Variants in CADM2 observed in about 807,000 individuals in gnomAD.
The protein encoded by CADM2 is cell adhesion molecule 2.
In CADM2, 12 loss-of-function variants were observed where a neutral mutation model predicts 49.8. The observed-to-expected ratio is 0.24, with a 90% CI of 0.15 to 0.39. CADM2 has a LOEUF of 0.39. CADM2 is among the 10% of genes least tolerant of loss of function. The pLI is 1.00. For missense variants in CADM2, 378 were observed against 492.3 expected, an observed-to-expected ratio of 0.77 and a Z score of 2.20; for synonymous variants, 214 against 175.4, an observed-to-expected ratio of 1.22 and a Z score of -1.74.
At chr3:85,452,301 T>C (rs965200306) in intron 1 of CADM2, among the ~76,000 whole-genome samples, 2 of 152,108 alleles carry the variant, frequency 1.3e-5, no homozygotes, top group African/African-American at 2.4e-5. Flanking sequence ...AAAACTTTCA[T>C]TACCTTGCCA....
At chr3:85,293,994 A>T (rs2043879017) in intron 1 of CADM2, among the ~76,000 whole-genome samples, 1 of 152,064 alleles carries the variant, frequency 6.6e-6, no homozygotes, top group Non-Finnish European at 1.5e-5. Context: ...AGAGGAAGTC[A>T]AATTGTCCCT....
At chr3:85,268,418 A>G (rs920695983) in intron 1 of CADM2, among the ~76,000 whole-genome samples, 7 of 151,474 alleles carry the variant, frequency 4.6e-5, no homozygotes, top group Admixed American at 2.0e-4. Flanking sequence ...CTCTTCCTTG[A>G]AAAATGAAAG....
chr3:85,254,304 T>C (rs1368794440), intron 1 of CADM2, among the ~76,000 whole-genome samples: 1 of 152,042 alleles, frequency 6.6e-6, no homozygotes, highest in African/African-American at 2.4e-5. Flanking sequence ...TAAAGGCACC[T>C]CCATGGGTTC....
At position 85,430,858 on chromosome 3, in the gene CADM2, T is replaced by A. The variant is rs146994834; in HGVS notation, c.62-295664T>A. On this transcript the variant is annotated intron_variant, in intron 1 of 9. Transcript: ENST00000383699. ...GAAGGGATCTTGAAGGTAAACAGTA[T>A]TTTTAAGAATTTGGCCTATTAAAGG... Among the ~76,000 whole-genome samples the A allele has an allele frequency of 2.4e-3, 365 of 152,248 alleles. 1 individual carries two copies. The highest frequency in any genetic ancestry group is 8.3e-3 in the African/African-American group (345 of 41,548).
chr3:85,103,285 A>C (rs2038078750), intron 1 of CADM2, among the ~76,000 whole-genome samples: 1 of 152,170 alleles, frequency 6.6e-6, no homozygotes, highest in African/African-American at 2.4e-5. Context: ...AACTTCAAAA[A>C]GTAATTATAT....
At chr3:85,032,217 T>TG (rs931503786) in intron 1 of CADM2, among the ~76,000 whole-genome samples, 1 of 145,382 alleles carries the variant, frequency 6.9e-6, no homozygotes, top group African/African-American at 2.7e-5. Context: ...AGTTACTGGT[T>TG]TTTTTTTTTT....
At chr3:85,873,772 T>C (rs1051415844) in intron 3 of CADM2, among the ~76,000 whole-genome samples, 1 of 152,208 alleles carries the variant, frequency 6.6e-6, no homozygotes, top group African/African-American at 2.4e-5. Context: ...CACTTTCACA[T>C]TGAATTTTTG....
At chr3:85,243,833 G>C (rs1429436430) in intron 1 of CADM2, among the ~76,000 whole-genome samples, 1 of 152,010 alleles carries the variant, frequency 6.6e-6, no homozygotes, top group Non-Finnish European at 1.5e-5. Context: ...GTTAGTTACT[G>C]TCAGGACAAA....
intron 1 of CADM2, among the ~76,000 whole-genome samples, chr3:85,515,543 CT>C: frequency 6.7e-6 from 1 of 149,152 alleles, no homozygotes; most frequent in African/African-American, 2.5e-5. Flanking sequence ...CTGCCTCAGC[CT>C]CCCGAGTAGC....
intron 1 of CADM2, among the ~76,000 whole-genome samples, chr3:85,240,615 G>T (rs1051005355): frequency 6.6e-6 from 1 of 151,332 alleles, no homozygotes; most frequent in African/African-American, 2.4e-5. Flanking sequence ...ATGGGGCAAG[G>T]TATCACGTTA....
chr3:85,470,447 A>T (rs1286033834), intron 1 of CADM2, among the ~76,000 whole-genome samples: 1 of 152,190 alleles, frequency 6.6e-6, no homozygotes, highest in African/African-American at 2.4e-5. Flanking sequence ...GAAAACAAGA[A>T]AAGAATTCAG....
At chr3:85,013,411 A>G (rs1190124012) in intron 1 of CADM2, among the ~76,000 whole-genome samples, 1 of 151,986 alleles carries the variant, frequency 6.6e-6, no homozygotes, top group African/African-American at 2.4e-5. Flanking sequence ...AATACTTAAA[A>G]CATTTTATTT....
intron 8 of CADM2, among the ~76,000 whole-genome samples, chr3:86,027,314 C>G (rs753788295): frequency 1.3e-5 from 2 of 151,928 alleles, no homozygotes; most frequent in African/African-American, 2.4e-5. Context: ...CATTGCATAC[C>G]GTATATTGGA....
intron 1 of CADM2, among the ~76,000 whole-genome samples, chr3:85,140,434 G>A (rs929775721): frequency 2.6e-5 from 4 of 152,174 alleles, no homozygotes; most frequent in East Asian, 3.9e-4. Context: ...TAAATAACTC[G>A]TATGACTTGA....
chr3:85,154,410 G>A (rs1471790361), intron 1 of CADM2, among the ~76,000 whole-genome samples: 3 of 152,064 alleles, frequency 2.0e-5, no homozygotes, highest in African/African-American at 7.2e-5. Context: ...AAAGAAACGA[G>A]CAAAGCCTCC....
At chr3:85,456,644 A>T (rs919571260) in intron 1 of CADM2, among the ~76,000 whole-genome samples, 1 of 152,058 alleles carries the variant, frequency 6.6e-6, no homozygotes, top group African/African-American at 2.4e-5. Context: ...TAATTACTCA[A>T]ATATAAATAA....
chr3:85,987,515 TAAGA>T (rs1009038992), intron 8 of CADM2, among the ~76,000 whole-genome samples: 6 of 149,936 alleles, frequency 4.0e-5, no homozygotes, highest in African/African-American at 7.3e-5. Context: ...AAACAATCCC[TAAGA>T]AAGAAAAAAA....
chr3:85,250,691 G>T (rs2042752917), intron 1 of CADM2, among the ~76,000 whole-genome samples: 2 of 151,602 alleles, frequency 1.3e-5, no homozygotes, highest in Non-Finnish European at 3.0e-5. Flanking sequence ...AAATACAAAT[G>T]ATAAAGTTAA....
Position 85,739,609 on chromosome 3 carries a change from CAAGTTGCATCAATTATAAGG to C in CADM2, c.88+13064_88+13083del, listed in dbSNP as rs1235582040. On this transcript the variant is annotated intron_variant, in intron 2 of 9. Coordinates refer to ENST00000383699, the MANE Select transcript of CADM2 (RefSeq NM_001167675.2). ...AATGATTAAAAATTCATATAAAATG[CAAGTTGCATCAATTATAAGG>C]AACACAGTGTGAAAGGGTGTTCCTA... Among the ~76,000 whole-genome samples, 3 of 151,974 alleles carry C rather than the reference CAAGTTGCATCAATTATAAGG, an allele frequency of 2.0e-5. No homozygotes were observed. The East Asian group carries it at 5.8e-4, about 29-fold the overall frequency.
Sources: allele counts gnomAD v4.1 joint callset (sites outside exome capture counted in the v4.1 genomes callset), GRCh38; gene constraint gnomAD v4.1.1; transcripts MANE v1.5; gene names NCBI Gene and HGNC (gene_info 2026-07-23, HGNC 2026-07-21).